Variants in PCDHGA12 observed in about 807,000 individuals in gnomAD.
PCDHGA12 encodes the protein protocadherin gamma subfamily A, 12.
PCDHGA12 carries 43 observed loss-of-function variants against 61.1 expected under a neutral mutation model. The ratio of observed to expected loss-of-function variants is 0.70; its 90% CI spans 0.55 to 0.91. PCDHGA12 has a LOEUF of 0.91. Among genes scored for constraint, PCDHGA12 ranks in the 40% least tolerant of loss-of-function variants. PCDHGA12 has a pLI of 0.00. For missense variants in PCDHGA12, 1,236 were observed against 1,227.7 expected, an observed-to-expected ratio of 1.01 and a Z score of -0.10; for synonymous variants, 520 against 542.9, an observed-to-expected ratio of 0.96 and a Z score of 0.59.
intron 1 of PCDHGA12, among the ~76,000 whole-genome samples, chr5:141,452,054 C>A (rs578157525): frequency 6.4e-4 from 97 of 152,196 alleles, no homozygotes; most frequent in African/African-American, 2.2e-3. Flanking sequence ...TTTGTAATAA[C>A]TTATTCTACT....
intron 1 of PCDHGA12, among the ~76,000 whole-genome samples, chr5:141,488,493 C>T (rs1594759823): frequency 6.6e-6 from 1 of 152,226 alleles, no homozygotes; most frequent in East Asian, 1.9e-4. Context: ...AAAACTGTAA[C>T]ACTCATTCCA....
At chr5:141,501,146 T>C (rs2299023) in intron 2 of PCDHGA12, among the ~76,000 whole-genome samples, 88,663 of 152,012 alleles carry the variant, frequency 0.58, 27,355 homozygotes, top group African/African-American at 0.78. Context: ...GGATTACAGG[T>C]GGGAGCCACC....
In PCDHGA12 at chr5:141,490,499, A is replaced by G. The variant is rs1269710790; in HGVS notation, c.2425-4308A>G. On this transcript the variant is annotated intron_variant, in intron 1 of 3. Coordinates refer to ENST00000252085, the MANE Select transcript of PCDHGA12 (RefSeq NM_003735.3). The surrounding 1 kb of genome is among the most constrained non-coding windows in gnomAD (Gnocchi z 5.4). ...TTGGACCGGGAGGCCACATCCCACT[A>G]TATCATCGAGCTGCTGGCCAGCGAT... 1.2e-6 allele frequency: 2 copies of G among 1,614,148 alleles called. No homozygotes were observed. Among genetic ancestry groups the G allele is most frequent in the Non-Finnish European group, 8.5e-7 (1 of 1,180,020 alleles).
Position 141,494,692 on chromosome 5 carries a change from C to T in PCDHGA12, c.2425-115C>T. On this transcript the variant is annotated intron_variant, in intron 1 of 3. Coordinates refer to ENST00000252085, the MANE Select transcript of PCDHGA12 (RefSeq NM_003735.3). ...AGTCCACCCCTGCCCCCTCTTAGTC[C>T]GTTTTCTTCTCTGTGCCCACTCCCC... 2.5e-6 allele frequency: 4 copies of T among 1,581,934 alleles called. No individual in the cohort carries two copies. In the African/African-American group the frequency reaches 4.0e-5, roughly 16 times the overall value.
Position 141,431,359 on chromosome 5 carries a change from G to A in PCDHGA12, c.600G>A (p.Leu200=). 1 of 1,614,024 alleles carries A rather than the reference G, an allele frequency of 6.2e-7. No homozygotes were observed. The highest frequency in any genetic ancestry group is 8.5e-7 in the Non-Finnish European group (1 of 1,180,030). Residue 200 remains leucine (L), a synonymous_variant, in exon 1 of 4, where the codon CTG becomes CTA. Transcript: ENST00000252085. This position sits in a 1 kb window ranked among gnomAD's most constrained non-coding sequence, Gnocchi z 4.8. ...CCGAATTGGTGCTGAAACGCGCCCTGGACCGCGAAGAAAAGGCTGCTCACC... is the reference window on the plus strand; with the variant it reads ...CCGAATTGGTGCTGAAACGCGCCCTAGACCGCGAAGAAAAGGCTGCTCACC... ...KYPELVLKRA[L]DREEKAAHHL...
chr5:141,495,839 A>G (rs2099764148), intron 2 of PCDHGA12, among the ~76,000 whole-genome samples: 1 of 150,756 alleles, frequency 6.6e-6, no homozygotes, highest in South Asian at 2.1e-4. Flanking sequence ...CCCAGCCTCT[A>G]TGTTTCTCTG....
rs372994272 is a variant in PCDHGA12, at chr5:141,485,358, G to C, written c.2425-9449G>C. On this transcript the variant is annotated intron_variant, in intron 1 of 3. Coordinates refer to ENST00000252085, the MANE Select transcript of PCDHGA12 (RefSeq NM_003735.3). This position sits in a 1 kb window ranked among gnomAD's most constrained non-coding sequence, Gnocchi z 5.7. ...CTGGATACGGACAGTCTGTCAGCTC[G>C]CAGGCTGCAGGTCGCTGGAGAGGTG... is the stretch of plus-strand genomic sequence containing the variant. 3.1e-6 allele frequency: 5 copies of C among 1,613,982 alleles called. No homozygotes were observed. Among genetic ancestry groups the C allele is most frequent in the Non-Finnish European group, 4.2e-6 (5 of 1,180,014 alleles).
In PCDHGA12 at chr5:141,431,544, T is replaced by C. The variant is rs1409551731; in HGVS notation, c.785T>C (p.Leu262Pro). 1.2e-6 allele frequency: 2 copies of C among 1,614,152 alleles called. No individual in the cohort carries two copies. The highest frequency in any genetic ancestry group is 2.2e-5 in the South Asian group (2 of 91,092). ...PENLALGTQL[L>P]VVNATDPDEG... is the part of the protein sequence containing the mutation. ...AATCTGGCCTTGGGCACGCAGCTGC[T>C]TGTAGTCAACGCTACCGACCCTGAC... The change falls in exon 1 of 4, where the codon CTT (leucine) becomes CCT (proline). Residue 262 changes from leucine to proline, a missense_variant. By Grantham distance (98) the Leu-to-Pro change is moderately conservative. Coordinates refer to ENST00000252085, the MANE Select transcript of PCDHGA12 (RefSeq NM_003735.3). The surrounding 1 kb of genome is among the most constrained non-coding windows in gnomAD (Gnocchi z 4.8).
Position 141,432,292 on chromosome 5 carries a change from T to C in PCDHGA12, c.1533T>C (p.Thr511=), listed in dbSNP as rs1339412798. 2 of 1,614,078 alleles carry C rather than the reference T, an allele frequency of 1.2e-6. No individual in the cohort carries two copies. The highest frequency in any genetic ancestry group is 2.2e-5 in the East Asian group (1 of 44,888). The change falls in exon 1 of 4, where the codon ACT becomes ACC. Residue 511 remains threonine, a synonymous_variant. Coordinates refer to ENST00000252085, the MANE Select transcript of PCDHGA12 (RefSeq NM_003735.3). The surrounding 1 kb of genome is among the most constrained non-coding windows in gnomAD (Gnocchi z 6.0). ...LSSYVSINSD[T]GVLYALSSFD... ...CCTACGTGTCCATCAACTCCGACAC[T>C]GGGGTACTGTATGCGCTGAGCTCCT...
In PCDHGA12 at chr5:141,432,688, A is replaced by T; in HGVS notation, c.1929A>T (p.Val643=). 1 of 1,613,896 alleles carries T rather than the reference A, an allele frequency of 6.2e-7. No homozygotes were observed. The highest frequency in any genetic ancestry group is 1.1e-5 in the South Asian group (1 of 91,078). The part of the protein sequence containing the change: ...LDRDALKQSL[V]VAVQDHGQPP... ...GAGACGCGCTCAAGCAGAGCCTCGTAGTGGCCGTCCAGGACCACGGCCAGC... is the reference window on the plus strand; with the variant it reads ...GAGACGCGCTCAAGCAGAGCCTCGTTGTGGCCGTCCAGGACCACGGCCAGC... Residue 643 remains valine (V), a synonymous_variant, in exon 1 of 4, where the codon GTA becomes GTT. Transcript: ENST00000252085. This position sits in a 1 kb window ranked among gnomAD's most constrained non-coding sequence, Gnocchi z 6.0.
rs3805699 is a variant in PCDHGA12 at position 141,435,743 on chromosome 5, G to A, written c.2424+2560G>A. Among the ~76,000 whole-genome samples the A allele has an allele frequency of 9.2e-5, 14 of 152,198 alleles. No homozygotes were observed. The East Asian group carries it at 2.1e-3, about 23-fold the overall frequency. ...GCTAAAGTGTATTACTCTTTGAAAA[G>A]CATTGCTTGATTTCTTTTGGTGAAT... is the stretch of plus-strand genomic sequence containing the variant. On this transcript the variant is annotated intron_variant, in intron 1 of 3. Coordinates refer to ENST00000252085, the MANE Select transcript of PCDHGA12 (RefSeq NM_003735.3).
chr5:141,504,550 G>A (rs944574179), intron 2 of PCDHGA12, among the ~76,000 whole-genome samples: 2 of 151,586 alleles, frequency 1.3e-5, no homozygotes, highest in Non-Finnish European at 2.9e-5. Context: ...GCAAATGTTG[G>A]GGGACTGGCA....
intron 1 of PCDHGA12, among the ~76,000 whole-genome samples, chr5:141,457,067 G>A (rs946526462): frequency 1.3e-5 from 2 of 152,166 alleles, no homozygotes; most frequent in Non-Finnish European, 2.9e-5. Flanking sequence ...CTTTTTGCCA[G>A]TAACTATTAT....
rs553126235 is a variant in PCDHGA12 at position 141,473,346 on chromosome 5, G to A, written c.2425-21461G>A. Reference sequence around the variant, plus strand: ...AAGTGCCTGCTGTGCTAGACAGTGAGGATGCAAGTGGCCACCAAAATAGCA... The same window carrying A: ...AAGTGCCTGCTGTGCTAGACAGTGAAGATGCAAGTGGCCACCAAAATAGCA... On this transcript the variant is annotated intron_variant, in intron 1 of 3. Transcript: ENST00000252085. Among the ~76,000 whole-genome samples, 9 of 152,310 alleles carry A rather than the reference G, an allele frequency of 5.9e-5. No individual in the cohort carries two copies. The East Asian group carries it at 1.5e-3, about 26-fold the overall frequency.
rs775153988 is a variant in PCDHGA12 at position 141,485,268 on chromosome 5, G to A, written c.2425-9539G>A. On this transcript the variant is annotated intron_variant, in intron 1 of 3. Coordinates refer to ENST00000252085, the MANE Select transcript of PCDHGA12 (RefSeq NM_003735.3). This position sits in a 1 kb window ranked among gnomAD's most constrained non-coding sequence, Gnocchi z 5.7. ...CTGGGTTACGTTTGTGGGCAGATCC[G>A]CTACCCGGTCCCAGAGGAGTCACAG... 6.2e-7 allele frequency: 1 copy of A among 1,614,100 alleles called. No homozygotes were observed. Among genetic ancestry groups the A allele is most frequent in the Non-Finnish European group, 8.5e-7 (1 of 1,179,936 alleles).
Position 141,433,012 on chromosome 5 carries a change from G to C in PCDHGA12, c.2253G>C (p.Gln751His). 1 of 1,614,172 alleles carries C rather than the reference G, an allele frequency of 6.2e-7. No homozygotes were observed. Among genetic ancestry groups the C allele is most frequent in the South Asian group, 1.1e-5 (1 of 91,080 alleles). The stretch of plus-strand genomic sequence containing the variant: ...TGGACGGGGTGCAGGCTTTCCTGCA[G>C]ACCTATTCCCACGAGGTTTCCCTCA... ...VGVDGVQAFL[Q>H]TYSHEVSLTT... The change falls in exon 1 of 4, where the codon CAG (glutamine) becomes CAC (histidine). Residue 751 changes from glutamine to histidine, a missense_variant. Gln to His is a conservative substitution (Grantham distance 24, BLOSUM62 0). Coordinates refer to ENST00000252085, the MANE Select transcript of PCDHGA12 (RefSeq NM_003735.3).
rs1186240180 is a variant in PCDHGA12, at chr5:141,432,270, A to T, written c.1511A>T (p.Tyr504Phe). The change falls in exon 1 of 4, where the codon TAC becomes TTC. Residue 504 changes from tyrosine (Y) to phenylalanine (F), a missense_variant. Physicochemically the swap from Tyr to Phe is conservative, Grantham distance 22 (BLOSUM62 3). Transcript: ENST00000252085. The surrounding 1 kb of genome is among the most constrained non-coding windows in gnomAD (Gnocchi z 6.0). ...ATCCAAGGGGCAAGCCTATCGTCCT[A>T]CGTGTCCATCAACTCCGACACTGGG... ...NTIQGASLSSYVSINSDTGVL... is the reference protein window; with the variant it reads ...NTIQGASLSSFVSINSDTGVL... 1 of 1,614,024 alleles carries T rather than the reference A, an allele frequency of 6.2e-7. No homozygotes were observed. The highest frequency in any genetic ancestry group is 8.5e-7 in the Non-Finnish European group (1 of 1,180,028).
intron 1 of PCDHGA12, chr5:141,478,893 T>G (rs1469313900): frequency 1.8e-6 from 2 of 1,102,894 alleles, no homozygotes; most frequent in Admixed American, 3.1e-5. Flanking sequence ...TCATTTACAT[T>G]AGGAATAAGC....
At chr5:141,483,242 C>T (rs2099578681) in intron 1 of PCDHGA12, among the ~76,000 whole-genome samples, 1 of 151,558 alleles carries the variant, frequency 6.6e-6, no homozygotes, top group African/African-American at 2.4e-5. Flanking sequence ...AACTGATATG[C>T]ATATATCATG....
Sources: allele counts gnomAD v4.1 joint callset (sites outside exome capture counted in the v4.1 genomes callset), GRCh38; gene constraint gnomAD v4.1.1; non-coding constraint Gnocchi (gnomAD v3.1); transcripts MANE v1.5; gene names NCBI Gene and HGNC (gene_info 2026-07-23, HGNC 2026-07-21).